DNER: variants seen among roughly 807,000 people sequenced by gnomAD.
DNER encodes delta/notch like EGF repeat containing, also known as delta and Notch-like epidermal growth factor-related receptor.
Under a neutral mutation model 78.2 loss-of-function variants are expected in DNER, and 33 were observed. The observed-to-expected ratio is 0.42, with a 90% CI of 0.32 to 0.56. The LOEUF (loss-of-function observed/expected upper bound fraction) is 0.56, where lower values mean the gene tolerates loss of function less well. Ranked by LOEUF, DNER falls within the 20% of genes least tolerant of loss-of-function variation. The pLI is 0.11. For missense variants in DNER, 918 were observed against 975.3 expected (o/e 0.94, Z 0.78); for synonymous variants, 417 against 384.8 (o/e 1.08, Z -0.98).
chr2:229,674,087 C>T (rs547845657), intron 1 of DNER, among the ~76,000 whole-genome samples: 1 of 152,368 alleles, frequency 6.6e-6, no homozygotes, highest in African/African-American at 2.4e-5. Context: ...AGCTGGTCTC[C>T]TCCCCTTGCT....
chr2:229,684,163 A>AGTGT (rs1386422582), intron 1 of DNER, among the ~76,000 whole-genome samples: 152 of 130,388 alleles, frequency 1.2e-3, no homozygotes, highest in African/African-American at 4.0e-3. Flanking sequence ...AGAGAGAGAG[A>AGTGT]GAGAGAGTGT....
chr2:229,494,970 C>A (rs1695470030), intron 6 of DNER, among the ~76,000 whole-genome samples: 1 of 152,176 alleles, frequency 6.6e-6, no homozygotes, highest in Admixed American at 6.5e-5. Flanking sequence ...TGAATCATAT[C>A]CATGATCTCT....
At chr2:229,361,781 C>T (rs992312958) in intron 12 of DNER, among the ~76,000 whole-genome samples, 14 of 151,580 alleles carry the variant, frequency 9.2e-5, no homozygotes, top group Non-Finnish European at 1.8e-4. Context: ...ACTCTGAATA[C>T]TGTATTGAGA....
chr2:229,541,274 T>C lies in DNER; in HGVS notation c.993+5673A>G, dbSNP rs969369238. The stretch of plus-strand genomic sequence containing the variant: ...CTTTTTGCCAGGGGAAAACCTAACG[T>C]TGGGGGAAAGGGATTCAACTGGGTA... On this transcript the variant is annotated intron_variant, in intron 5 of 12. Coordinates refer to ENST00000341772, the MANE Select transcript of DNER (RefSeq NM_139072.4). 2.3e-4 allele frequency among the ~76,000 whole-genome samples: 35 copies of C among 151,814 alleles called. 1 individual carries two copies. The highest frequency in any genetic ancestry group is 4.9e-4 in the Non-Finnish European group (33 of 67,948).
chr2:229,445,707 C>A (rs946299129), intron 8 of DNER, among the ~76,000 whole-genome samples: 8 of 152,150 alleles, frequency 5.3e-5, no homozygotes, highest in African/African-American at 1.9e-4. Context: ...TGCCAGCTTC[C>A]CTACGGATTT....
intron 1 of DNER, among the ~76,000 whole-genome samples, chr2:229,649,036 C>T (rs1016144235): frequency 2.0e-5 from 3 of 152,216 alleles, no homozygotes; most frequent in African/African-American, 7.2e-5. Context: ...GTCCTGAAGT[C>T]ACTACATTTA....
intron 5 of DNER, among the ~76,000 whole-genome samples, chr2:229,533,402 T>C (rs562902916): frequency 6.6e-6 from 1 of 152,172 alleles, no homozygotes; most frequent in South Asian, 2.1e-4. Context: ...GATACCTCCG[T>C]AAGAGGCAAA....
intron 1 of DNER, among the ~76,000 whole-genome samples, chr2:229,626,822 G>A (rs1327214344): frequency 6.6e-5 from 10 of 152,114 alleles, no homozygotes; most frequent in Admixed American, 6.5e-4. Flanking sequence ...ACAACATATT[G>A]TCCACACAGT....
At chr2:229,593,733 C>T (rs977636063) in intron 1 of DNER, among the ~76,000 whole-genome samples, 3 of 152,198 alleles carry the variant, frequency 2.0e-5, no homozygotes, top group Admixed American at 6.5e-5. Context: ...CCTTGTGGAA[C>T]GGGTGTCACC....
At chr2:229,394,580 G>A (rs559079691) in intron 10 of DNER, among the ~76,000 whole-genome samples, 3 of 152,316 alleles carry the variant, frequency 2.0e-5, no homozygotes, top group South Asian at 4.1e-4. Flanking sequence ...GTGGAGTGGT[G>A]TGGCTCACCT....
At chr2:229,457,148 GC>G (rs1559356720) in intron 7 of DNER, among the ~76,000 whole-genome samples, 1 of 152,032 alleles carries the variant, frequency 6.6e-6, no homozygotes, top group Non-Finnish European at 1.5e-5. Context: ...AGCAGATCTA[GC>G]CACACTACAA....
At chr2:229,700,493 A>G (rs11900796) in intron 1 of DNER, among the ~76,000 whole-genome samples, 127,075 of 151,788 alleles carry the variant, frequency 0.84, 53,474 homozygotes, top group East Asian at 0.94. Flanking sequence ...GTGCTACCAC[A>G]CTCAGCTAAT....
intron 4 of DNER, among the ~76,000 whole-genome samples, chr2:229,550,507 T>A (rs1272237888): frequency 6.6e-6 from 1 of 152,096 alleles, no homozygotes; most frequent in Non-Finnish European, 1.5e-5. Context: ...CCGGGCGCAG[T>A]GGCTCATGCC....
chr2:229,510,977 TAC>T (rs1425034365), intron 6 of DNER, among the ~76,000 whole-genome samples: 1 of 151,932 alleles, frequency 6.6e-6, no homozygotes, highest in Non-Finnish European at 1.5e-5. Context: ...GCAAGAGAAA[TAC>T]ACACACTCTG....
At chr2:229,501,312 G>A (rs894266165) in intron 6 of DNER, among the ~76,000 whole-genome samples, 1 of 148,702 alleles carries the variant, frequency 6.7e-6, no homozygotes, top group Non-Finnish European at 1.5e-5. Flanking sequence ...TCACCACAAA[G>A]AAATGATAAG....
intron 4 of DNER, among the ~76,000 whole-genome samples, chr2:229,549,900 G>A (rs1696698824): frequency 6.6e-6 from 1 of 151,882 alleles, no homozygotes; most frequent in African/African-American, 2.4e-5. Flanking sequence ...GACAGAGTGA[G>A]ACTCTGTCTC....
rs539752455 is a variant in DNER at position 229,385,281 on chromosome 2, A to C, written c.1855+2984T>G. On this transcript the variant is annotated intron_variant, in intron 11 of 12. Transcript: ENST00000341772. Reference sequence around the variant, plus strand: ...CTCTGATAAAGTTTAACACACCTTCATGCTAAAAACTCTCAATAAACTAGG... The same window carrying C: ...CTCTGATAAAGTTTAACACACCTTCCTGCTAAAAACTCTCAATAAACTAGG... 3.3e-5 allele frequency among the ~76,000 whole-genome samples: 5 copies of C among 152,310 alleles called. No individual in the cohort carries two copies. In the East Asian group the frequency reaches 5.8e-4, roughly 18 times the overall value.
chr2:229,565,080 T>C (rs187282227), intron 4 of DNER, among the ~76,000 whole-genome samples: 2 of 152,258 alleles, frequency 1.3e-5, no homozygotes, highest in South Asian at 2.1e-4. Context: ...ACTCCTCATA[T>C]TCGGTGTTAG....
chr2:229,641,017 G>A (rs1264909951), intron 1 of DNER, among the ~76,000 whole-genome samples: 1 of 152,168 alleles, frequency 6.6e-6, no homozygotes, highest in Non-Finnish European at 1.5e-5. Context: ...TCTTGGGTCT[G>A]GAAGGGGCTA....
Sources: gnomAD v4.1 joint callset for allele counts (sites outside exome capture counted in the v4.1 genomes callset) on GRCh38, gnomAD v4.1.1 for gene constraint, MANE v1.5 for transcripts, NCBI Gene and HGNC (gene_info 2026-07-23, HGNC 2026-07-21) for gene names.